Variants in HNRNPM observed in about 807,000 individuals in gnomAD.
HNRNPM encodes CEA receptor.
Under a neutral mutation model 73.1 loss-of-function variants are expected in HNRNPM, and 11 were observed. That is an observed-to-expected ratio of 0.15 (90% CI 0.09 to 0.25). HNRNPM has a LOEUF of 0.25. HNRNPM is among the 10% of genes least tolerant of loss of function. The pLI is 1.00. For missense variants in HNRNPM, 789 were observed against 1,067.9 expected, an observed-to-expected ratio of 0.74 and a Z score of 3.64; for synonymous variants, 407 against 355.2, an observed-to-expected ratio of 1.15 and a Z score of -1.64.
chr19:8,458,704 C>T (rs566494304), intron 2 of HNRNPM, among the ~76,000 whole-genome samples: 24 of 152,366 alleles, frequency 1.6e-4, no homozygotes, highest in African/African-American at 5.3e-4. Context: ...CTTTTAAGCA[C>T]TTAATCCTTC....
At chr19:8,452,332 G>A (rs1968688045) in intron 1 of HNRNPM, among the ~76,000 whole-genome samples, 1 of 152,218 alleles carries the variant, frequency 6.6e-6, no homozygotes, top group Non-Finnish European at 1.5e-5. Context: ...GACTTCAAAA[G>A]TAACAATATT....
intron 12 of HNRNPM, among the ~76,000 whole-genome samples, chr19:8,480,009 G>A (rs550844724): frequency 6.8e-6 from 1 of 146,884 alleles, no homozygotes; most frequent in South Asian, 2.2e-4. Context: ...TCGGGACCTC[G>A]TGATTCACAC....
intron 12 of HNRNPM, among the ~76,000 whole-genome samples, chr19:8,481,033 C>T (rs1351197137): frequency 1.3e-5 from 2 of 152,172 alleles, no homozygotes; most frequent in African/African-American, 2.4e-5. Context: ...CAATTCTTGA[C>T]CTCTTTCCCG....
intron 2 of HNRNPM, among the ~76,000 whole-genome samples, chr19:8,458,493 C>G (rs1222564623): frequency 6.6e-6 from 1 of 152,184 alleles, no homozygotes. Context: ...GAGGAAGCTC[C>G]TTGCTGGGCT....
chr19:8,486,990 C>T, intron 14 of HNRNPM, 34 bp from the exon 15 acceptor site: 1 of 1,578,786 alleles, frequency 6.3e-7, no homozygotes, highest in South Asian at 1.1e-5. Context: ...TTGGTTTAAT[C>T]ACGCATCAGT....
chr19:8,467,626 G>A (rs763600463), intron 8 of HNRNPM, 42 bp downstream of exon 8: 1 of 1,375,462 alleles, frequency 7.3e-7, no homozygotes, highest in Non-Finnish European at 1.0e-6. Context: ...CTCAAGTCTA[G>A]CAAAAACATG....
At chr19:8,480,106 G>A (rs1441348979) in intron 12 of HNRNPM, among the ~76,000 whole-genome samples, 1 of 141,720 alleles carries the variant, frequency 7.1e-6, no homozygotes, top group African/African-American at 2.6e-5. Context: ...GGCCGGGCGC[G>A]GTGGCTCATG....
intron 12 of HNRNPM, among the ~76,000 whole-genome samples, chr19:8,474,501 A>G (rs1169617388): frequency 1.3e-5 from 2 of 152,184 alleles, no homozygotes; most frequent in Non-Finnish European, 2.9e-5. Context: ...GTTAAAAAGC[A>G]TGTACACGTT....
chr19:8,467,704 C>T, intron 8 of HNRNPM, 120 bp downstream of exon 8: 1 of 798,020 alleles, frequency 1.3e-6, no homozygotes, highest in Non-Finnish European at 2.2e-6. Flanking sequence ...AAATAGGGTG[C>T]AGTATGTTGA....
At chr19:8,449,353 A>G (rs1369045721) in intron 1 of HNRNPM, among the ~76,000 whole-genome samples, 3 of 152,162 alleles carry the variant, frequency 2.0e-5, no homozygotes, top group Non-Finnish European at 4.4e-5. Flanking sequence ...GTTGAAAGCT[A>G]AATTGTCCCT....
At chr19:8,465,600 C>A in intron 6 of HNRNPM, 85 bp downstream of exon 6, 1 of 910,514 alleles carries the variant, frequency 1.1e-6, no homozygotes, top group Non-Finnish European at 1.6e-6. Flanking sequence ...GTAATTCTCA[C>A]ATTTGAGAAG....
At chr19:8,472,536 G>A (rs1186270720) in intron 10 of HNRNPM, among the ~76,000 whole-genome samples, 3 of 152,162 alleles carry the variant, frequency 2.0e-5, no homozygotes, top group African/African-American at 7.2e-5. Context: ...GGAAGTCTTG[G>A]TGTTTTTAGG....
At chr19:8,472,043 C>T (rs370022751) in intron 10 of HNRNPM, among the ~76,000 whole-genome samples, 8 of 151,968 alleles carry the variant, frequency 5.3e-5, no homozygotes, top group South Asian at 2.1e-4. Context: ...TGGTGGCGCA[C>T]GCCTGTAATC....
intron 1 of HNRNPM, among the ~76,000 whole-genome samples, chr19:8,449,367 C>T (rs547572662): frequency 6.6e-6 from 1 of 152,226 alleles, no homozygotes; most frequent in East Asian, 1.9e-4. Context: ...TGTCCCTTTG[C>T]TAGTCTGTAA....
chr19:8,454,277 C>A (rs1479628368), intron 1 of HNRNPM, among the ~76,000 whole-genome samples: 1 of 152,132 alleles, frequency 6.6e-6, no homozygotes, highest in South Asian at 2.1e-4. Context: ...GTTCTACTTT[C>A]TGTGTATGGA....
intron 10 of HNRNPM, among the ~76,000 whole-genome samples, chr19:8,472,110 G>T (rs978959046): frequency 6.6e-6 from 1 of 150,472 alleles, no homozygotes; most frequent in Admixed American, 6.6e-5. Context: ...GGCGGAGGTT[G>T]CAGTGAGCTG....
rs139539662 is a variant in HNRNPM at position 8,485,892 on chromosome 19, C to T, written c.1464C>T (p.Ala488=). Residue 488 remains alanine, a synonymous_variant, in exon 14 of 16, where the codon GCC becomes GCT. Transcript: ENST00000325495. ...RIGSGVERMG[A]GMGFGLERMA... Reference sequence around the variant, plus strand: ...GCTCTGGCGTGGAGCGCATGGGTGCCGGCATGGGCTTCGGCCTTGAGCGCA... The same window carrying T: ...GCTCTGGCGTGGAGCGCATGGGTGCTGGCATGGGCTTCGGCCTTGAGCGCA... The T allele has an allele frequency of 3.6e-5, 57 of 1,604,560 alleles. No homozygotes were observed. The highest frequency in any genetic ancestry group is 9.4e-5 in the African/African-American group (7 of 74,678).
chr19:8,457,060 G>C (rs557410681), intron 2 of HNRNPM, among the ~76,000 whole-genome samples: 1 of 152,312 alleles, frequency 6.6e-6, no homozygotes, highest in South Asian at 2.1e-4. Context: ...TGGTTGAACC[G>C]CTGAATTGCT....
chr19:8,454,821 A>G (rs1324268401), intron 1 of HNRNPM, among the ~76,000 whole-genome samples: 1 of 152,014 alleles, frequency 6.6e-6, no homozygotes, highest in Non-Finnish European at 1.5e-5. Flanking sequence ...CTTGGAATTA[A>G]CACACCTTGG....
Sources: allele counts gnomAD v4.1 joint callset (sites outside exome capture counted in the v4.1 genomes callset), GRCh38; gene constraint gnomAD v4.1.1; transcripts MANE v1.5; gene names NCBI Gene and HGNC (gene_info 2026-07-23, HGNC 2026-07-21).